DENND6B: variants seen among roughly 807,000 people sequenced by gnomAD.
DENND6B encodes DENN domain containing 6B, also known as protein DENND6B.
A neutral mutation model predicts 85.1 loss-of-function variants in DENND6B; 73 were observed. The observed-to-expected ratio is 0.86, with a 90% CI of 0.71 to 1.04. DENND6B has a LOEUF of 1.04. Among genes scored for constraint, DENND6B ranks in the 50% least tolerant of loss-of-function variants. DENND6B has a pLI of 0.00. For missense variants in DENND6B, 715 were observed against 785.8 expected (o/e 0.91, Z 1.08); for synonymous variants, 357 against 329.3 (o/e 1.08, Z -0.91).
rs547195528 is a variant in DENND6B at position 50,309,245 on chromosome 22, C to T, written c.*2894G>A. ...TCTAGGTTCTGTGGTCCCTGTCCTT[C>T]GGGAGGCCTGTGACCACAGCAGTCC... On this transcript the variant is annotated 3_prime_UTR_variant, in exon 20 of 20. Coordinates refer to ENST00000413817, the MANE Select transcript of DENND6B (RefSeq NM_001001794.4). 6.6e-6 allele frequency: 1 copy of T among 152,274 alleles called. No individual in the cohort carries two copies. Among genetic ancestry groups the T allele is most frequent in the South Asian group, 2.1e-4 (1 of 4,830 alleles). 9.4% of individuals were successfully genotyped at this position (152,274 alleles called of 1,614,324 possible).
chr22:50,311,947 A>T lies in DENND6B; in HGVS notation c.*192T>A. ...AAGGCTCTGCCTGCGAGGAACCCCT[A>T]TGGTCAAGGCCATGCTGTGGTTCCA... On this transcript the variant is annotated 3_prime_UTR_variant, in exon 20 of 20. Coordinates refer to ENST00000413817, the MANE Select transcript of DENND6B (RefSeq NM_001001794.4). The T allele has an allele frequency of 1.0e-6, 1 of 970,134 alleles. No homozygotes were observed. Among genetic ancestry groups the T allele is most frequent in the Non-Finnish European group, 1.5e-6 (1 of 677,390 alleles). 60.1% of individuals were successfully genotyped at this position (970,134 alleles called of 1,614,324 possible). A position where few individuals can be genotyped will look rare whatever the true frequency, so the allele number is the denominator to read the frequency against.
Position 50,313,880 on chromosome 22 carries a change from T to C in DENND6B, c.1139-2A>G, listed in dbSNP as rs1177846692. 5.6e-6 allele frequency: 9 copies of C among 1,608,294 alleles called. No homozygotes were observed. Among genetic ancestry groups the C allele is most frequent in the African/African-American group, 1.3e-5 (1 of 74,852 alleles). On this transcript the variant is annotated splice_acceptor_variant, in intron 13 of 19. Transcript: ENST00000413817. LOFTEE classifies it high-confidence loss of function. ...GGGCCGTGTAAGCGGTGTAGAGGCC[T>C]GGCGGGAGGGCACAGCTGGCGCCCC...
At chr22:50,316,565 C>A in intron 5 of DENND6B, 90 bp from the exon 6 acceptor site, 1 of 1,545,968 alleles carries the variant, frequency 6.5e-7, no homozygotes, top group South Asian at 1.2e-5. Flanking sequence ...GCCACGCTCA[C>A]CTGGAGCTGG....
Position 50,313,738 on chromosome 22 carries a change from A to T in DENND6B, c.1204-14T>A. On this transcript the variant is annotated splice_polypyrimidine_tract_variant and intron_variant, in intron 14 of 19. Coordinates refer to ENST00000413817, the MANE Select transcript of DENND6B (RefSeq NM_001001794.4). ...CTTCTGCACGCCCTGCAGGGGAGAG[A>T]GGGCCAGGCCCTTGCTGCGCTTCAC... 1 of 1,604,890 alleles carries T rather than the reference A, an allele frequency of 6.2e-7. No individual in the cohort carries two copies. The highest frequency in any genetic ancestry group is 1.7e-4 in the Middle Eastern group (1 of 6,052).
chr22:50,313,351 C>G (rs1165608197), intron 16 of DENND6B, 95 bp downstream of exon 16: 61 of 1,445,032 alleles, frequency 4.2e-5, no homozygotes, highest in Non-Finnish European at 5.6e-5. Flanking sequence ...TGGCTCCTGC[C>G]CAGCCACAGC....
At position 50,315,906 on chromosome 22, in the gene DENND6B, G is replaced by T. The variant is rs908387907; in HGVS notation, c.702+119C>A. 3.2e-6 allele frequency: 5 copies of T among 1,551,542 alleles called. No individual in the cohort carries two copies. The South Asian group carries it at 6.0e-5, about 19-fold the overall frequency. On this transcript the variant is annotated intron_variant, in intron 8 of 19. Coordinates refer to ENST00000413817, the MANE Select transcript of DENND6B (RefSeq NM_001001794.4). ...CAACACACAGCCTGTGGCTTTGCCT[G>T]GGTTTGACAACCCCGCAGGGTGAAC... is the stretch of plus-strand genomic sequence containing the variant.
chr22:50,325,445 C>T (rs2042164814), intron 1 of DENND6B, among the ~76,000 whole-genome samples: 1 of 148,898 alleles, frequency 6.7e-6, no homozygotes, highest in Non-Finnish European at 1.5e-5. Flanking sequence ...TCAAGCCATT[C>T]TCCTCCTCAG....
intron 13 of DENND6B, 32 bp from the exon 14 acceptor site, chr22:50,313,910 T>C: frequency 6.3e-7 from 1 of 1,582,118 alleles, no homozygotes; most frequent in Non-Finnish European, 8.6e-7. Context: ...CGCCCCACCC[T>C]TCAAGGGCCT....
At position 50,316,264 on chromosome 22, in the gene DENND6B, A is replaced by C; in HGVS notation, c.560-11T>G. Reference sequence around the variant, plus strand: ...CGATCTCACTGCACACTGCGGATGCAGTAGCCCGCATCAGGACCCTCCCCA... The same window carrying C: ...CGATCTCACTGCACACTGCGGATGCCGTAGCCCGCATCAGGACCCTCCCCA... On this transcript the variant is annotated splice_polypyrimidine_tract_variant and intron_variant, in intron 6 of 19. Coordinates refer to ENST00000413817, the MANE Select transcript of DENND6B (RefSeq NM_001001794.4). 2 of 1,591,192 alleles carry C rather than the reference A, an allele frequency of 1.3e-6. No homozygotes were observed. The highest frequency in any genetic ancestry group is 1.7e-6 in the Non-Finnish European group (2 of 1,169,356).
Position 50,316,165 on chromosome 22 carries a change from G to A in DENND6B, c.639+9C>T, listed in dbSNP as rs764962074. 18 of 1,612,358 alleles carry A rather than the reference G, an allele frequency of 1.1e-5. No individual in the cohort carries two copies. The African/African-American group carries it at 2.1e-4, about 19-fold the overall frequency. ...TGCAGAGCCTACTCCCCAGCCAGCT[G>A]GCTCTCACCTGGACAACAACGCCCA... On this transcript the variant is annotated intron_variant, in intron 7 of 19. Transcript: ENST00000413817.
intron 1 of DENND6B, among the ~76,000 whole-genome samples, chr22:50,326,401 CT>C (rs2042189954): frequency 6.6e-6 from 1 of 152,188 alleles, no homozygotes; most frequent in Non-Finnish European, 1.5e-5. Context: ...GATCCGAGAC[CT>C]TTGTTGCAGA....
chr22:50,318,481 G>A (rs1011727428), intron 3 of DENND6B, among the ~76,000 whole-genome samples: 2 of 152,210 alleles, frequency 1.3e-5, no homozygotes, highest in African/African-American at 4.8e-5. Context: ...ACTTCTCTGG[G>A]AGATTGGCTT....
intron 1 of DENND6B, among the ~76,000 whole-genome samples, chr22:50,323,928 TCTCA>T (rs1315584691): frequency 6.6e-6 from 1 of 152,006 alleles, no homozygotes; most frequent in African/African-American, 2.4e-5. Flanking sequence ...AGAGACAGGG[TCTCA>T]CTATGTTTCC....
chr22:50,313,165 G>A lies in DENND6B; in HGVS notation c.1348-57C>T, dbSNP rs189121341. 12,008 of 1,476,416 alleles carry A rather than the reference G, an allele frequency of 8.1e-3. 68 individuals are homozygous for A. The highest frequency in any genetic ancestry group is 9.9e-3 in the Non-Finnish European group (10,715 of 1,083,408). The allele number at this position is 1,476,416 out of a possible 1,614,324, so 91.5% of individuals were successfully genotyped here. The stretch of plus-strand genomic sequence containing the variant: ...AACTCGGCCTCACAGGCCTGCACCC[G>A]GTACGCTTCCCAGACACACTCCTCA... On this transcript the variant is annotated intron_variant, in intron 16 of 19. Coordinates refer to ENST00000413817, the MANE Select transcript of DENND6B (RefSeq NM_001001794.4).
chr22:50,316,527 C>A (rs1190251876), intron 5 of DENND6B, 52 bp from the exon 6 acceptor site: 148 of 1,549,796 alleles, frequency 9.5e-5, no homozygotes, highest in Non-Finnish European at 1.3e-4. Context: ...TCACCCTCGC[C>A]ACTCAGGAGC....
intron 4 of DENND6B, 69 bp from the exon 5 acceptor site, chr22:50,317,442 T>A: frequency 1.3e-6 from 2 of 1,559,568 alleles, no homozygotes; most frequent in Non-Finnish European, 1.8e-6. Context: ...GGGCTGGGAG[T>A]GGCAAGGAGC....
At chr22:50,314,159 A>G in intron 13 of DENND6B, 48 bp downstream of exon 13, 2 of 1,568,362 alleles carry the variant, frequency 1.3e-6, no homozygotes, top group Non-Finnish European at 1.7e-6. Flanking sequence ...CAGGTACAAG[A>G]CAGGCCTCTC....
chr22:50,323,448 C>T (rs1601837723), intron 1 of DENND6B, among the ~76,000 whole-genome samples: 1 of 151,888 alleles, frequency 6.6e-6, no homozygotes, highest in East Asian at 2.0e-4. Context: ...CAATGCCCAG[C>T]TAATTTTTTG....
chr22:50,326,805 C>T lies in DENND6B; in HGVS notation c.177+7G>A, dbSNP rs905159862. The T allele has an allele frequency of 7.2e-7, 1 of 1,393,878 alleles. No individual in the cohort carries two copies. Among genetic ancestry groups the T allele is most frequent in the South Asian group, 1.5e-5 (1 of 65,868 alleles). The allele number at this position is 1,393,878 out of a possible 1,614,324, so 86.3% of individuals were successfully genotyped here. ...ACCCGCCCGCGCCCGCGCTCGCGCC[C>T]GCTCACCTCCAGCGCCTGGCCCAGC... is the stretch of plus-strand genomic sequence containing the variant. On this transcript the variant is annotated splice_region_variant and intron_variant, in intron 1 of 19. Transcript: ENST00000413817.
Sources: allele counts gnomAD v4.1 joint callset (sites outside exome capture counted in the v4.1 genomes callset), GRCh38; gene constraint gnomAD v4.1.1; transcripts MANE v1.5; gene names NCBI Gene and HGNC (gene_info 2026-07-23, HGNC 2026-07-21).